Variants in SPATA17 observed in about 807,000 individuals in gnomAD.
The protein encoded by SPATA17 is spermatogenesis-associated protein 17.
A neutral mutation model predicts 62.2 loss-of-function variants in SPATA17; 53 were observed. The observed-to-expected ratio is 0.85, with a 90% CI of 0.68 to 1.07. SPATA17 has a LOEUF of 1.07. Ranked by LOEUF, SPATA17 falls within the 50% of genes least tolerant of loss-of-function variation. SPATA17 has a pLI of 0.00. For missense variants in SPATA17, 466 were observed against 425.5 expected, an observed-to-expected ratio of 1.10 and a Z score of -0.84; for synonymous variants, 146 against 146.8, an observed-to-expected ratio of 0.99 and a Z score of 0.04.
rs187565398 is a variant in SPATA17, at chr1:217,791,544, C to T, written c.872+9222C>T. Among the ~76,000 whole-genome samples, 190 of 152,194 alleles carry T rather than the reference C, an allele frequency of 1.2e-3. 1 individual carries two copies. Among genetic ancestry groups the T allele is most frequent in the Non-Finnish European group, 2.2e-3 (149 of 68,012 alleles). ...AAAAAAGTTTATTTTAAGTAAATGA[C>T]CACAGAATACTAGAATTCTATTCTT... On this transcript the variant is annotated intron_variant, in intron 8 of 10. Coordinates refer to ENST00000366933, the MANE Select transcript of SPATA17 (RefSeq NM_138796.4).
chr1:217,712,563 C>G (rs1374655339), intron 5 of SPATA17, among the ~76,000 whole-genome samples: 1 of 152,116 alleles, frequency 6.6e-6, no homozygotes, highest in Non-Finnish European at 1.5e-5. Context: ...TCTGCCCCCT[C>G]CTCCAGCCCC....
intron 6 of SPATA17, among the ~76,000 whole-genome samples, chr1:217,748,776 C>T (rs937773539): frequency 6.6e-6 from 1 of 151,460 alleles, no homozygotes; most frequent in African/African-American, 2.4e-5. Context: ...TTAATTCTTC[C>T]AAATCACTTA....
At chr1:217,745,209 G>A (rs1470177638) in intron 6 of SPATA17, among the ~76,000 whole-genome samples, 1 of 152,112 alleles carries the variant, frequency 6.6e-6, no homozygotes, top group Non-Finnish European at 1.5e-5. Context: ...AAAAATATCA[G>A]GGATTTTAAT....
intron 4 of SPATA17, among the ~76,000 whole-genome samples, chr1:217,670,444 A>G (rs1274274328): frequency 1.3e-5 from 2 of 152,204 alleles, no homozygotes; most frequent in African/African-American, 4.8e-5. Context: ...GGTCTGGCTT[A>G]TTAAGGTTTC....
At chr1:217,762,195 C>T (rs1178057278) in intron 6 of SPATA17, among the ~76,000 whole-genome samples, 2 of 152,162 alleles carry the variant, frequency 1.3e-5, no homozygotes, top group Admixed American at 6.5e-5. Flanking sequence ...CTCAGTAACC[C>T]CATCCACTTT....
At chr1:217,651,321 T>C in intron 3 of SPATA17, 143 bp downstream of exon 3, 1 of 597,342 alleles carries the variant, frequency 1.7e-6, no homozygotes, top group Non-Finnish European at 2.8e-6. Flanking sequence ...ATTTTTAGTA[T>C]GAGACCTATT....
At chr1:217,725,469 T>A (rs112424363) in intron 5 of SPATA17, among the ~76,000 whole-genome samples, 2,902 of 152,262 alleles carry the variant, frequency 0.019, 79 homozygotes, top group African/African-American at 0.066. Context: ...TTAATTAATT[T>A]ATTTATTTTT....
intron 3 of SPATA17, among the ~76,000 whole-genome samples, chr1:217,659,821 T>C (rs1670528181): frequency 6.6e-6 from 1 of 152,174 alleles, no homozygotes; most frequent in African/African-American, 2.4e-5. Flanking sequence ...CACCTTCTAT[T>C]GGTCATCAAA....
At chr1:217,744,755 G>C (rs1571775008) in intron 6 of SPATA17, among the ~76,000 whole-genome samples, 2 of 152,094 alleles carry the variant, frequency 1.3e-5, no homozygotes, top group Admixed American at 6.6e-5. Flanking sequence ...ATTGTCATCA[G>C]ACAGAGCTGA....
intron 1 of SPATA17, among the ~76,000 whole-genome samples, chr1:217,646,580 T>C (rs987317649): frequency 1.3e-5 from 2 of 152,052 alleles, no homozygotes. Flanking sequence ...TCTCTTCCCC[T>C]TTAGAAGCAG....
At chr1:217,845,428 A>C (rs1418477412) in intron 9 of SPATA17, among the ~76,000 whole-genome samples, 1 of 152,048 alleles carries the variant, frequency 6.6e-6, no homozygotes. Context: ...GTTCTCCAAC[A>C]CTAATAATTG....
chr1:217,788,807 TTAA>T (rs1673925139), intron 8 of SPATA17, among the ~76,000 whole-genome samples: 1 of 152,188 alleles, frequency 6.6e-6, no homozygotes, highest in Admixed American at 6.5e-5. Flanking sequence ...GAATGATAAG[TTAA>T]TAATATTGTT....
In SPATA17 at chr1:217,678,941, C is replaced by T. The variant is rs558390914; in HGVS notation, c.292-4317C>T. Among the ~76,000 whole-genome samples the T allele has an allele frequency of 9.2e-5, 14 of 151,698 alleles. No homozygotes were observed. The East Asian group carries it at 1.4e-3, about 15-fold the overall frequency. ...TTCTTTTTTTTTTGAAGTAGTAACCCGTTCACCTTGAAATTAAGAAGAAAT... is the reference window on the plus strand; with the variant it reads ...TTCTTTTTTTTTTGAAGTAGTAACCTGTTCACCTTGAAATTAAGAAGAAAT... On this transcript the variant is annotated intron_variant, in intron 4 of 10. Transcript: ENST00000366933.
intron 2 of SPATA17, among the ~76,000 whole-genome samples, chr1:217,650,002 C>A (rs1670273397): frequency 6.7e-6 from 1 of 149,302 alleles, no homozygotes; most frequent in South Asian, 2.1e-4. Context: ...TGCAATGGCA[C>A]CATTTCGGTT....
chr1:217,750,897 A>G (rs997908430), intron 6 of SPATA17, among the ~76,000 whole-genome samples: 1 of 152,202 alleles, frequency 6.6e-6, no homozygotes, highest in African/African-American at 2.4e-5. Context: ...GTTTGAATAC[A>G]TTCTGTAAAG....
intron 5 of SPATA17, among the ~76,000 whole-genome samples, chr1:217,725,739 A>G (rs1009887817): frequency 6.6e-6 from 1 of 152,228 alleles, no homozygotes; most frequent in South Asian, 2.1e-4. Context: ...CTAGGATTAT[A>G]GGTGTGAGCC....
At chr1:217,717,145 C>T (rs1235968336) in intron 5 of SPATA17, among the ~76,000 whole-genome samples, 1 of 152,158 alleles carries the variant, frequency 6.6e-6, no homozygotes, top group East Asian at 1.9e-4. Flanking sequence ...TTATAAATTG[C>T]CTTCTCTGCT....
At chr1:217,654,821 T>G (rs1670400610) in intron 3 of SPATA17, among the ~76,000 whole-genome samples, 1 of 151,262 alleles carries the variant, frequency 6.6e-6, no homozygotes, top group African/African-American at 2.4e-5. Flanking sequence ...CAAGCGATTC[T>G]CCTGCCTCAG....
chr1:217,843,697 A>C (rs936489397), intron 9 of SPATA17, among the ~76,000 whole-genome samples: 12 of 152,084 alleles, frequency 7.9e-5, no homozygotes, highest in African/African-American at 2.9e-4. Flanking sequence ...TCTGCATTGT[A>C]GCGCAAAAGC....
Sources: gnomAD v4.1 joint callset for allele counts (sites outside exome capture counted in the v4.1 genomes callset) on GRCh38, gnomAD v4.1.1 for gene constraint, MANE v1.5 for transcripts, NCBI Gene and HGNC (gene_info 2026-07-23, HGNC 2026-07-21) for gene names.